SIDT2: variants seen among roughly 807,000 people sequenced by gnomAD.
SIDT2 encodes SID1 transmembrane family member 2, also known as SID1 transmembrane family, member 2.
In SIDT2, 68 loss-of-function variants were observed where a neutral mutation model predicts 114.4. The observed-to-expected ratio is 0.59, with a 90% CI of 0.49 to 0.73. The LOEUF (loss-of-function observed/expected upper bound fraction) is 0.73, where lower values mean the gene tolerates loss of function less well. SIDT2 is among the 30% of genes least tolerant of loss of function. The pLI is 0.00. For missense variants in SIDT2, 918 were observed against 1,097.1 expected (o/e 0.84, Z 2.31); for synonymous variants, 470 against 438.4 (o/e 1.07, Z -0.90).
rs1278592958 is a variant in SIDT2, at chr11:117,190,825, A to T, written c.1735+85A>T. ...CACTATCCCCAAGTCACCCACAGGG[A>T]TCGCTAAGACACCCCTGTAGGAAAC... On this transcript the variant is annotated intron_variant, in intron 18 of 25. Coordinates refer to ENST00000324225, the MANE Select transcript of SIDT2 (RefSeq NM_001040455.2). The surrounding 1 kb of genome is among the most constrained non-coding windows in gnomAD (Gnocchi z 4.1). 4.6e-6 allele frequency: 5 copies of T among 1,098,182 alleles called. No individual in the cohort carries two copies. Among genetic ancestry groups the T allele is most frequent in the Admixed American group, 1.7e-5 (1 of 57,534 alleles). 68.0% of individuals were successfully genotyped at this position (1,098,182 alleles called of 1,614,324 possible).
At position 117,192,361 on chromosome 11, in the gene SIDT2, G is replaced by C; in HGVS notation, c.1980G>C (p.Leu660=). Residue 660 remains leucine, a splice_region_variant and synonymous_variant, in exon 20 of 26, where the codon CTG becomes CTC. Transcript: ENST00000324225. The surrounding 1 kb of genome is among the most constrained non-coding windows in gnomAD (Gnocchi z 5.9). ...TCTATTACATGGGCCGGTGGAAACTGGGTAAGGGCACGCCCGGGGCAGGGC... is the reference window on the plus strand; with the variant it reads ...TCTATTACATGGGCCGGTGGAAACTCGGTAAGGGCACGCCCGGGGCAGGGC... ...TQLYYMGRWK[L]DSGIFRRILH... The C allele has an allele frequency of 1.9e-6, 3 of 1,587,578 alleles. No homozygotes were observed. The highest frequency in any genetic ancestry group is 2.2e-5 in the South Asian group (2 of 90,528).
chr11:117,185,285 G>A (rs1192715780), intron 8 of SIDT2, among the ~76,000 whole-genome samples: 6 of 151,792 alleles, frequency 4.0e-5, no homozygotes, highest in Non-Finnish European at 7.4e-5. Flanking sequence ...TCCTGACCTC[G>A]TGATCCACCT....
intron 24 of SIDT2, 118 bp from the exon 25 acceptor site, chr11:117,195,684 T>C: frequency 3.1e-6 from 3 of 981,648 alleles, no homozygotes; most frequent in Non-Finnish European, 3.2e-6. Context: ...AGGTCAGAAT[T>C]GCTGCTGTCC....
In SIDT2 at chr11:117,190,824, G is replaced by A; in HGVS notation, c.1735+84G>A. On this transcript the variant is annotated intron_variant, in intron 18 of 25. Transcript: ENST00000324225. The surrounding 1 kb of genome is among the most constrained non-coding windows in gnomAD (Gnocchi z 4.1). ...TCACTATCCCCAAGTCACCCACAGGGATCGCTAAGACACCCCTGTAGGAAA... is the reference window on the plus strand; with the variant it reads ...TCACTATCCCCAAGTCACCCACAGGAATCGCTAAGACACCCCTGTAGGAAA... 1 of 1,103,026 alleles carries A rather than the reference G, an allele frequency of 9.1e-7. No homozygotes were observed. The highest frequency in any genetic ancestry group is 1.4e-6 in the Non-Finnish European group (1 of 723,336). 68.3% of individuals were successfully genotyped at this position (1,103,026 alleles called of 1,614,324 possible). A position where few individuals can be genotyped will look rare whatever the true frequency, so the allele number is the denominator to read the frequency against.
intron 11 of SIDT2, 58 bp from the exon 12 acceptor site, chr11:117,187,570 C>T: frequency 6.2e-7 from 1 of 1,600,772 alleles, no homozygotes; most frequent in Non-Finnish European, 8.6e-7. Flanking sequence ...TGCAGATGCT[C>T]AGAGCCCCTT....
rs768592063 is a variant in SIDT2, at chr11:117,188,862, C to G, written c.1278+36C>G. 1.3e-5 allele frequency: 21 copies of G among 1,577,372 alleles called. No individual in the cohort carries two copies. The highest frequency in any genetic ancestry group is 1.2e-4 in the Admixed American group (7 of 59,970). ...TGGGCCTGGCCTGGTCAGGCGTTTC[C>G]TGAGAAAGGGACATTCTGCGTTCCC... On this transcript the variant is annotated intron_variant, in intron 13 of 25. Coordinates refer to ENST00000324225, the MANE Select transcript of SIDT2 (RefSeq NM_001040455.2). This position sits in a 1 kb window ranked among gnomAD's most constrained non-coding sequence, Gnocchi z 4.0.
chr11:117,189,603 C>T (rs2030626530), intron 15 of SIDT2: 1 of 624,748 alleles, frequency 1.6e-6, no homozygotes, highest in Non-Finnish European at 2.8e-6. Context: ...AAAATGGGAG[C>T]AGCCCGCACT....
At chr11:117,191,584 C>CA (rs1398141234) in intron 18 of SIDT2, 4 of 373,100 alleles carry the variant, frequency 1.1e-5, no homozygotes, top group Admixed American at 8.7e-5. Flanking sequence ...ACTCCGTCTC[C>CA]AAAAAAATAA....
chr11:117,191,521 T>G (rs1591771161), intron 18 of SIDT2: 2 of 217,390 alleles, frequency 9.2e-6, no homozygotes, highest in Middle Eastern at 1.7e-3. Flanking sequence ...GAAGCGGAGG[T>G]TGCAGTGAGC....
chr11:117,183,151 C>T (rs967792810), intron 6 of SIDT2, among the ~76,000 whole-genome samples: 1 of 152,176 alleles, frequency 6.6e-6, no homozygotes, highest in Non-Finnish European at 1.5e-5. Flanking sequence ...CAAGACCAGC[C>T]TGGCCAACAG....
chr11:117,182,426 T>G, intron 4 of SIDT2, 93 bp from the exon 5 acceptor site: 3 of 1,148,608 alleles, frequency 2.6e-6, no homozygotes, highest in Non-Finnish European at 3.9e-6. Context: ...CAGAGGATTC[T>G]GGGTCCTCGC....
In SIDT2 at chr11:117,192,087, A is replaced by G; in HGVS notation, c.1872+73A>G. The G allele has an allele frequency of 6.3e-7, 1 of 1,591,638 alleles. No individual in the cohort carries two copies. Among genetic ancestry groups the G allele is most frequent in the Non-Finnish European group, 8.6e-7 (1 of 1,165,062 alleles). Reference sequence around the variant, plus strand: ...ACGTGCGTTCAGACACGTAGTGCACACCCTCCGCCACCTCCTGCATGAGAG... The same window carrying G: ...ACGTGCGTTCAGACACGTAGTGCACGCCCTCCGCCACCTCCTGCATGAGAG... On this transcript the variant is annotated intron_variant, in intron 19 of 25. Coordinates refer to ENST00000324225, the MANE Select transcript of SIDT2 (RefSeq NM_001040455.2). This position sits in a 1 kb window ranked among gnomAD's most constrained non-coding sequence, Gnocchi z 5.9.
Position 117,195,850 on chromosome 11 carries a change from G to A in SIDT2, c.2371G>A (p.Asp791Asn), listed in dbSNP as rs768646260. The change falls in exon 25 of 26, where the codon GAC becomes AAC. Residue 791 changes from aspartate (D) to asparagine (N), a missense_variant. By Grantham distance (23) the Asp-to-Asn change is conservative. Coordinates refer to ENST00000324225, the MANE Select transcript of SIDT2 (RefSeq NM_001040455.2). ...REHNRDCILL[D>N]FFDDHDIWHF... ...GCACAACCGGGACTGCATCCTCCTC[G>A]ACTTCTTTGACGACCACGACATCTG... The A allele has an allele frequency of 4.0e-5, 65 of 1,614,064 alleles. No individual in the cohort carries two copies. Among genetic ancestry groups the A allele is most frequent in the Non-Finnish European group, 4.4e-5 (52 of 1,180,044 alleles).
chr11:117,183,592 C>A (rs1390075165), intron 6 of SIDT2, among the ~76,000 whole-genome samples, 187 bp from the exon 7 acceptor site: 2 of 151,394 alleles, frequency 1.3e-5, no homozygotes, highest in Admixed American at 6.6e-5. Context: ...GAGCTGAGAT[C>A]ATGCCATGGC....
chr11:117,192,781 G>T lies in SIDT2; in HGVS notation c.2059-39G>T. ...TGGGCCTTCTTCCACCACCCTCCCTGCCCCTGCCCTCAGTCCCTGTGTCCC... is the reference window on the plus strand; with the variant it reads ...TGGGCCTTCTTCCACCACCCTCCCTTCCCCTGCCCTCAGTCCCTGTGTCCC... On this transcript the variant is annotated intron_variant, in intron 21 of 25. Coordinates refer to ENST00000324225, the MANE Select transcript of SIDT2 (RefSeq NM_001040455.2). The surrounding 1 kb of genome is among the most constrained non-coding windows in gnomAD (Gnocchi z 5.9). The T allele has an allele frequency of 6.2e-7, 1 of 1,613,706 alleles. No individual in the cohort carries two copies. Among genetic ancestry groups the T allele is most frequent in the Non-Finnish European group, 8.5e-7 (1 of 1,179,718 alleles).
In SIDT2 at chr11:117,192,301, T is replaced by C; in HGVS notation, c.1920T>C (p.Ile640=). 1 of 1,612,950 alleles carries C rather than the reference T, an allele frequency of 6.2e-7. No homozygotes were observed. The highest frequency in any genetic ancestry group is 8.5e-7 in the Non-Finnish European group (1 of 1,179,136). The change falls in exon 20 of 26, where the codon ATT becomes ATC. Residue 640 remains isoleucine (I), a synonymous_variant. Coordinates refer to ENST00000324225, the MANE Select transcript of SIDT2 (RefSeq NM_001040455.2). This position sits in a 1 kb window ranked among gnomAD's most constrained non-coding sequence, Gnocchi z 5.9. ...NTAFWIVFSI[I]HIIATLLLST... ...CGTTCTGGATCGTCTTCTCCATCAT[T>C]CACATCATCGCCACCCTGCTCCTCA...
At position 117,188,394 on chromosome 11, in the gene SIDT2, T is replaced by C. The variant is rs2030577514; in HGVS notation, c.1160-314T>C. The C allele has an allele frequency of 2.3e-6, 1 of 430,882 alleles. No individual in the cohort carries two copies. Among genetic ancestry groups the C allele is most frequent in the Non-Finnish European group, 4.3e-6 (1 of 234,612 alleles). The allele number at this position is 430,882 out of a possible 1,614,324, so 26.7% of individuals were successfully genotyped here. A position where few individuals can be genotyped will look rare whatever the true frequency, so the allele number is the denominator to read the frequency against. On this transcript the variant is annotated intron_variant, in intron 12 of 25. Transcript: ENST00000324225. This position sits in a 1 kb window ranked among gnomAD's most constrained non-coding sequence, Gnocchi z 4.0. ...TTGCCGAGTTCAATCCTGTTGTTTG[T>C]GTCTGCTGCCTGGGGTCTGCCTTGT...
chr11:117,195,757 T>C (rs768096106), intron 24 of SIDT2, 45 bp from the exon 25 acceptor site: 1 of 1,607,938 alleles, frequency 6.2e-7, no homozygotes, highest in Non-Finnish European at 8.5e-7. Flanking sequence ...GCCCTTGCCC[T>C]GCCAGAGCAG....
chr11:117,179,080 A>C lies in SIDT2; in HGVS notation c.-184A>C. On this transcript the variant is annotated 5_prime_UTR_variant, in exon 1 of 26. Transcript: ENST00000324225. ...CCCGGCCGCCCCCTCCCCTGCGGGG[A>C]CCCTGGGAGCCTCTTCGGGGCTCTT... is the stretch of plus-strand genomic sequence containing the variant. 8.0e-6 allele frequency: 5 copies of C among 625,222 alleles called. No homozygotes were observed. Among genetic ancestry groups the C allele is most frequent in the South Asian group, 2.0e-5 (1 of 49,006 alleles). The allele number at this position is 625,222 out of a possible 1,614,324, so 38.7% of individuals were successfully genotyped here.
Sources: allele counts gnomAD v4.1 joint callset (sites outside exome capture counted in the v4.1 genomes callset), GRCh38; gene constraint gnomAD v4.1.1; non-coding constraint Gnocchi (gnomAD v3.1); transcripts MANE v1.5; gene names NCBI Gene and HGNC (gene_info 2026-07-23, HGNC 2026-07-21).